Variants in CHLSN observed in about 807,000 individuals in gnomAD.
CHLSN encodes protein cholesin.
chr7:993,362 A>G, the CHLSN span, among the ~76,000 whole-genome samples: 1 of 152,110 alleles, frequency 6.6e-6, no homozygotes, highest in East Asian at 1.9e-4. Context: ...TGATCTGTGC[A>G]GGGACAGGCA....
the CHLSN span, chr7:987,000 G>C: frequency 7.1e-7 from 1 of 1,398,614 alleles, no homozygotes; most frequent in Non-Finnish European, 9.4e-7. Context: ...GGATGGCTGA[G>C]CCCAGATCAC....
the CHLSN span, chr7:1,028,856 G>GACT: frequency 1.3e-6 from 1 of 750,890 alleles, no homozygotes; most frequent in South Asian, 6.2e-5. Flanking sequence ...TTCCCAGTCT[G>GACT]CCATCTCCCC....
chr7:1,031,374 GGGAGGGCAGA>G, the CHLSN span, among the ~76,000 whole-genome samples: 35 of 150,706 alleles, frequency 2.3e-4, no homozygotes, highest in East Asian at 6.7e-3. Context: ...GAGACCTGCA[GGGAGGGCAGA>G]GTGGTCCGGG....
At chr7:1,071,432 GC>G in the CHLSN span, among the ~76,000 whole-genome samples, 2 of 152,174 alleles carry the variant, frequency 1.3e-5, no homozygotes, top group African/African-American at 4.8e-5. Context: ...TTGGAGAAAA[GC>G]TGATGTGAGG....
chr7:996,820 C>T, the CHLSN span, among the ~76,000 whole-genome samples: 2 of 152,230 alleles, frequency 1.3e-5, no homozygotes, highest in Non-Finnish European at 2.9e-5. Context: ...CGCTGGGAAA[C>T]GGCCGGCCTG....
the CHLSN span, among the ~76,000 whole-genome samples, chr7:1,002,489 T>C: frequency 1.9e-5 from 1 of 52,072 alleles, no homozygotes. Context: ...GGGTGGGGAG[T>C]CCTGTGGGTG....
At chr7:1,016,738 CCAGCGCACAGCAGCACACGCCAGCGCA>C in the CHLSN span, among the ~76,000 whole-genome samples, 2 of 103,954 alleles carry the variant, frequency 1.9e-5, no homozygotes, top group East Asian at 2.4e-4. Context: ...GCAGCACACG[CCAGCGCACAGCAGCACACGCCAGCGCA>C]CAGCGCACAG....
At chr7:1,016,869 G>C in the CHLSN span, among the ~76,000 whole-genome samples, 9 of 48,648 alleles carry the variant, frequency 1.9e-4, 2 homozygotes, top group Admixed American at 7.3e-4. Context: ...ACAGCACACA[G>C]CAGCGCACAG....
chr7:1,062,588 G>A, the CHLSN span, among the ~76,000 whole-genome samples: 2 of 152,160 alleles, frequency 1.3e-5, no homozygotes, highest in Non-Finnish European at 2.9e-5. Context: ...GCCCCACACA[G>A]GCGTTACTCC....
chr7:1,055,167 G>C, the CHLSN span: 1 of 459,476 alleles, frequency 2.2e-6, no homozygotes, highest in Admixed American at 2.4e-5. Context: ...TTTGCAGTGC[G>C]GTCCCGTCCA....
chr7:993,931 C>T, the CHLSN span, among the ~76,000 whole-genome samples: 1 of 151,802 alleles, frequency 6.6e-6, no homozygotes, highest in African/African-American at 2.4e-5. Flanking sequence ...TGCTCAGAGG[C>T]CGCTTCCTCA....
At chr7:984,514 G>T in the CHLSN span, 2 of 1,552,874 alleles carry the variant, frequency 1.3e-6, no homozygotes, top group Non-Finnish European at 1.7e-6. Context: ...GGCGGGCCCC[G>T]GGCAGGAGCT....
the CHLSN span, chr7:1,093,614 G>A: frequency 8.3e-4 from 391 of 471,222 alleles, 1 homozygote; most frequent in African/African-American, 7.0e-3. Context: ...GACTGGGACC[G>A]TGCGAGCTGC....
chr7:981,497 TGAG>T, the CHLSN span, among the ~76,000 whole-genome samples: 4 of 150,986 alleles, frequency 2.6e-5, no homozygotes, highest in Non-Finnish European at 5.9e-5. Flanking sequence ...CGGATCATGA[TGAG>T]GTCAAGAGAT....
the CHLSN span, among the ~76,000 whole-genome samples, chr7:1,064,994 T>C: frequency 6.6e-6 from 1 of 152,272 alleles, no homozygotes; most frequent in Non-Finnish European, 1.5e-5. Context: ...CGTTCCCCGC[T>C]GTCCAACCCT....
At chr7:1,079,699 G>A in the CHLSN span, among the ~76,000 whole-genome samples, 1 of 152,190 alleles carries the variant, frequency 6.6e-6, no homozygotes, top group Non-Finnish European at 1.5e-5. Context: ...GGCGGGGGCT[G>A]GGAGGGCTCA....
At chr7:1,036,096 CAGT>C in the CHLSN span, among the ~76,000 whole-genome samples, 1 of 152,130 alleles carries the variant, frequency 6.6e-6, no homozygotes, top group Non-Finnish European at 1.5e-5. Context: ...CCGTGGTGGT[CAGT>C]GGTGGTGGGG....
chr7:1,006,252 C>T, the CHLSN span, among the ~76,000 whole-genome samples: 2 of 152,186 alleles, frequency 1.3e-5, no homozygotes, highest in Admixed American at 6.5e-5. Context: ...GGTGACCAAG[C>T]CTGGGGCCCC....
the CHLSN span, chr7:1,058,207 C>T: frequency 2.7e-6 from 2 of 750,720 alleles, no homozygotes; most frequent in South Asian, 2.7e-5. Context: ...GAGCCCTCGG[C>T]ACACAGGCTG....
Sources: gnomAD v4.1 joint callset for allele counts (sites outside exome capture counted in the v4.1 genomes callset) on GRCh38, gnomAD v4.1.1 for gene constraint, MANE v1.5 for transcripts, NCBI Gene and HGNC (gene_info 2026-07-23, HGNC 2026-07-21) for gene names.